Variants in AGTPBP1 observed in about 807,000 individuals in gnomAD.
AGTPBP1 encodes cytosolic carboxypeptidase 1.
Under a neutral mutation model 143.9 loss-of-function variants are expected in AGTPBP1, and 70 were observed. The ratio of observed to expected loss-of-function variants is 0.49; its 90% confidence interval spans 0.40 to 0.59. The LOEUF (loss-of-function observed/expected upper bound fraction) is 0.59, where lower values mean the gene tolerates loss of function less well. Among genes scored for constraint, AGTPBP1 ranks in the 20% least tolerant of loss-of-function variants. AGTPBP1 has a pLI of 0.00. For missense variants in AGTPBP1, 1,229 were observed against 1,464.5 expected (o/e 0.84, Z 2.62); for synonymous variants, 463 against 500.2 (o/e 0.93, Z 0.99).
intron 3 of AGTPBP1, 61 bp downstream of exon 3, chr9:85,692,628 A>C: frequency 1.3e-6 from 2 of 1,566,038 alleles, no homozygotes; most frequent in Non-Finnish European, 1.7e-6. Context: ...GAACATTTTT[A>C]GCATCCACTT....
At chr9:85,702,721 G>A (rs1312002007) in intron 2 of AGTPBP1, among the ~76,000 whole-genome samples, 1 of 150,250 alleles carries the variant, frequency 6.7e-6, no homozygotes, top group Non-Finnish European at 1.5e-5. Context: ...TCCTCGATTG[G>A]TAACTTGTAT....
intron 14 of AGTPBP1, among the ~76,000 whole-genome samples, chr9:85,626,233 T>C (rs1244902496): frequency 6.6e-6 from 1 of 152,190 alleles, no homozygotes; most frequent in Non-Finnish European, 1.5e-5. Context: ...TTCTCTTTCA[T>C]TTGGAGGTAA....
At chr9:85,595,652 G>A (rs1252480570) in intron 18 of AGTPBP1, among the ~76,000 whole-genome samples, 4 of 152,084 alleles carry the variant, frequency 2.6e-5, no homozygotes, top group African/African-American at 7.2e-5. Flanking sequence ...TCAGCCTCCT[G>A]AGTAGCTGGG....
chr9:85,624,271 C>T (rs1174839867), intron 14 of AGTPBP1, among the ~76,000 whole-genome samples: 1 of 152,114 alleles, frequency 6.6e-6, no homozygotes, highest in African/African-American at 2.4e-5. Flanking sequence ...GTGATCAGTA[C>T]ATATATACGA....
At position 85,575,275 on chromosome 9, in the gene AGTPBP1, A is replaced by G. The variant is rs1554692258; in HGVS notation, c.3503+40T>C. ...TGCTATTTTAATGAAGTCTAATAAT[A>G]TACTACAATATAATAAAAGAAAAAA... On this transcript the variant is annotated intron_variant, in intron 25 of 25. Transcript: ENST00000357081. 19 of 1,488,072 alleles carry G rather than the reference A, an allele frequency of 1.3e-5. 2 individuals carry two copies. The highest frequency in any genetic ancestry group is 2.5e-4 in the Middle Eastern group (1 of 4,068). 92.2% of individuals were successfully genotyped at this position (1,488,072 alleles called of 1,614,324 possible).
intron 14 of AGTPBP1, among the ~76,000 whole-genome samples, chr9:85,629,863 C>T (rs1253883401): frequency 6.6e-6 from 1 of 151,956 alleles, no homozygotes; most frequent in East Asian, 1.9e-4. Flanking sequence ...AATATAAAGT[C>T]CATGAGAGGA....
intron 11 of AGTPBP1, among the ~76,000 whole-genome samples, chr9:85,649,385 T>C (rs1057416660): frequency 3.3e-5 from 5 of 152,186 alleles, no homozygotes; most frequent in Admixed American, 2.6e-4. Flanking sequence ...TTGATACACA[T>C]ATACACACGT....
chr9:85,763,986 G>A, the AGTPBP1 span, among the ~76,000 whole-genome samples: 23 of 151,932 alleles, frequency 1.5e-4, 1 homozygote, highest in South Asian at 1.0e-3. Context: ...AATGAAATAC[G>A]AGTAAAAACA....
chr9:85,725,191 A>G (rs949585960), intron 1 of AGTPBP1, among the ~76,000 whole-genome samples: 1 of 152,248 alleles, frequency 6.6e-6, no homozygotes, highest in Non-Finnish European at 1.5e-5. Flanking sequence ...CAGTTTTTCT[A>G]CAACAATGTA....
chr9:85,555,603 CA>C (rs898816488), intron 25 of AGTPBP1, among the ~76,000 whole-genome samples: 4 of 151,644 alleles, frequency 2.6e-5, no homozygotes, highest in African/African-American at 9.7e-5. Flanking sequence ...AACTCAAAAA[CA>C]AAAAAAGATA....
chr9:85,682,385 T>C (rs147701214), intron 3 of AGTPBP1, among the ~76,000 whole-genome samples: 1 of 152,022 alleles, frequency 6.6e-6, no homozygotes, highest in African/African-American at 2.4e-5. Flanking sequence ...ACTACTCTTT[T>C]CATGGATCTA....
At chr9:85,635,795 A>G (rs1282991330) in intron 13 of AGTPBP1, among the ~76,000 whole-genome samples, 1 of 151,832 alleles carries the variant, frequency 6.6e-6, no homozygotes. Flanking sequence ...CTACATCTTC[A>G]GTATATAGGT....
At chr9:85,641,222 A>G (rs1211829517) in intron 13 of AGTPBP1, among the ~76,000 whole-genome samples, 1 of 152,194 alleles carries the variant, frequency 6.6e-6, no homozygotes, top group Non-Finnish European at 1.5e-5. Context: ...TGTACAGAAA[A>G]AGTAGAAGGT....
chr9:85,712,925 G>A (rs1379082405), intron 1 of AGTPBP1, among the ~76,000 whole-genome samples: 1 of 152,134 alleles, frequency 6.6e-6, no homozygotes, highest in Non-Finnish European at 1.5e-5. Context: ...AGCATCCTGT[G>A]ATTAGTGCAC....
intron 2 of AGTPBP1, among the ~76,000 whole-genome samples, chr9:85,701,565 G>A (rs772777071): frequency 6.6e-6 from 1 of 152,140 alleles, no homozygotes; most frequent in African/African-American, 2.4e-5. Flanking sequence ...TGTTTATAAA[G>A]AATTAAATCA....
At chr9:85,679,123 A>G (rs1490937742) in intron 4 of AGTPBP1, among the ~76,000 whole-genome samples, 1 of 152,224 alleles carries the variant, frequency 6.6e-6, no homozygotes, top group Admixed American at 6.5e-5. Context: ...TCCAAGGTCA[A>G]AGAATATGGG....
intron 25 of AGTPBP1, among the ~76,000 whole-genome samples, chr9:85,548,698 CAG>C (rs201661568): frequency 0.041 from 6,088 of 147,588 alleles, 440 homozygotes; most frequent in African/African-American, 0.15. Flanking sequence ...TTTTTTGAGA[CAG>C]AGTCTTTCTC....
intron 25 of AGTPBP1, among the ~76,000 whole-genome samples, chr9:85,573,795 G>A (rs907114753): frequency 6.9e-6 from 1 of 144,748 alleles, no homozygotes; most frequent in Admixed American, 6.8e-5. Context: ...GCCCGGCAGC[G>A]ACCCCGTCTG....
At chr9:85,733,093 G>A (rs1487695597) in intron 1 of AGTPBP1, among the ~76,000 whole-genome samples, 1 of 152,054 alleles carries the variant, frequency 6.6e-6, no homozygotes, top group Non-Finnish European at 1.5e-5. Context: ...AGAAAGAAGT[G>A]AAGAGAGAGA....
Sources: gnomAD v4.1 joint callset for allele counts (sites outside exome capture counted in the v4.1 genomes callset) on GRCh38, gnomAD v4.1.1 for gene constraint, MANE v1.5 for transcripts, NCBI Gene and HGNC (gene_info 2026-07-23, HGNC 2026-07-21) for gene names.